The following SFMBT2 variants were observed in gnomAD, a reference collection of about 807,000 sequenced individuals.
SFMBT2 encodes scm-like with four MBT domains protein 2.
Under a neutral mutation model 110.1 loss-of-function variants are expected in SFMBT2, and 38 were observed. The ratio of observed to expected loss-of-function variants is 0.35; its 90% CI spans 0.27 to 0.45. The LOEUF (loss-of-function observed/expected upper bound fraction) is 0.45. Among genes scored for constraint, SFMBT2 ranks in the 20% least tolerant of loss-of-function variants. The pLI, the probability that SFMBT2 is intolerant of heterozygous loss-of-function variation, is 1.00. For missense variants in SFMBT2, 1,011 were observed against 1,094.9 expected, an observed-to-expected ratio of 0.92 and a Z score of 1.08; for synonymous variants, 425 against 425.4, an observed-to-expected ratio of 1.00 and a Z score of 0.01.
At chr10:7,173,572 G>C (rs1837956528) in intron 17 of SFMBT2, among the ~76,000 whole-genome samples, 1 of 152,184 alleles carries the variant, frequency 6.6e-6, no homozygotes. Context: ...CAGAGACACA[G>C]GTGTACATCT....
chr10:7,162,151 T>A lies in SFMBT2; in HGVS notation c.*1619A>T, dbSNP rs1837565848. The A allele has an allele frequency of 1.3e-5, 2 of 152,156 alleles. No homozygotes were observed. The highest frequency in any genetic ancestry group is 1.5e-5 in the Non-Finnish European group (1 of 68,042). 9.4% of individuals were successfully genotyped at this position (152,156 alleles called of 1,614,324 possible). A position where few individuals can be genotyped will look rare whatever the true frequency, so the allele number is the denominator to read the frequency against. On this transcript the variant is annotated 3_prime_UTR_variant, in exon 21 of 21. Transcript: ENST00000397167. Reference sequence around the variant, plus strand: ...GCCAACTCTCGCAGCCACAGCTTTGTCTGCACGTGACCTGGCGGATTTAAC... The same window carrying A: ...GCCAACTCTCGCAGCCACAGCTTTGACTGCACGTGACCTGGCGGATTTAAC...
At chr10:7,220,265 G>A (rs1412359725) in intron 11 of SFMBT2, 146 bp downstream of exon 11, 2 of 641,976 alleles carry the variant, frequency 3.1e-6, no homozygotes, top group Admixed American at 5.2e-5. Context: ...TAGTTTCACT[G>A]ATTTAAGAAC....
chr10:7,351,447 A>G (rs915172479), intron 4 of SFMBT2, among the ~76,000 whole-genome samples: 3 of 152,206 alleles, frequency 2.0e-5, no homozygotes, highest in Non-Finnish European at 2.9e-5. Context: ...ACGATCCTGT[A>G]AGGCAGGTCT....
intron 10 of SFMBT2, among the ~76,000 whole-genome samples, chr10:7,226,303 T>C (rs1302597362): frequency 1.3e-5 from 2 of 152,252 alleles, no homozygotes; most frequent in African/African-American, 4.8e-5. Flanking sequence ...TTGCTGCTGA[T>C]GTGCTTCTGT....
intron 4 of SFMBT2, among the ~76,000 whole-genome samples, chr10:7,355,332 A>AT (rs1279603535): frequency 1.3e-5 from 2 of 152,038 alleles, no homozygotes; most frequent in Non-Finnish European, 2.9e-5. Context: ...TATTTTATCT[A>AT]TTTTTTCAGC....
chr10:7,390,063 A>T (rs1845725293), intron 1 of SFMBT2, among the ~76,000 whole-genome samples: 1 of 152,212 alleles, frequency 6.6e-6, no homozygotes, highest in African/African-American at 2.4e-5. Context: ...TGTTGAATGC[A>T]TCTAGACCAG....
At chr10:7,406,987 G>C (rs749197522) in intron 1 of SFMBT2, among the ~76,000 whole-genome samples, 1 of 152,114 alleles carries the variant, frequency 6.6e-6, no homozygotes, top group South Asian at 2.1e-4. Context: ...AGGGTTGGCG[G>C]GGGGGGAGGG....
At position 7,392,352 on chromosome 10, in the gene SFMBT2, T is replaced by C. The variant is rs568196538; in HGVS notation, c.-51-10403A>G. Among the ~76,000 whole-genome samples the C allele has an allele frequency of 1.1e-4, 17 of 152,250 alleles. No individual in the cohort carries two copies. The East Asian group carries it at 3.3e-3, about 29-fold the overall frequency. On this transcript the variant is annotated intron_variant, in intron 1 of 20. Coordinates refer to ENST00000397167, the MANE Select transcript of SFMBT2 (RefSeq NM_001387889.1). Reference sequence around the variant, plus strand: ...CAACATGCAGAAACTCAGTCTCTACTAAAAATGCAAAAATTAGCCAGGAGT... The same window carrying C: ...CAACATGCAGAAACTCAGTCTCTACCAAAAATGCAAAAATTAGCCAGGAGT...
intron 11 of SFMBT2, among the ~76,000 whole-genome samples, chr10:7,213,431 G>A (rs1012237085): frequency 2.0e-5 from 3 of 152,234 alleles, no homozygotes; most frequent in Non-Finnish European, 2.9e-5. Flanking sequence ...AAGAGGACAG[G>A]CGGAGGTCCG....
At chr10:7,317,752 C>T (rs770713110) in intron 4 of SFMBT2, among the ~76,000 whole-genome samples, 1 of 151,346 alleles carries the variant, frequency 6.6e-6, no homozygotes, top group South Asian at 2.1e-4. Context: ...TGTGAACCTG[C>T]GTAAGGAAAA....
chr10:7,173,587 T>C (rs977752920), intron 17 of SFMBT2, among the ~76,000 whole-genome samples: 3 of 152,244 alleles, frequency 2.0e-5, no homozygotes, highest in African/African-American at 7.2e-5. Flanking sequence ...ACATCTTAAT[T>C]CAAAAATTAT....
chr10:7,283,009 C>T (rs1486986547), intron 6 of SFMBT2, among the ~76,000 whole-genome samples: 1 of 152,170 alleles, frequency 6.6e-6, no homozygotes, highest in Non-Finnish European at 1.5e-5. Context: ...GGGAGGGGCC[C>T]AGCACCTGGG....
intron 4 of SFMBT2, among the ~76,000 whole-genome samples, chr10:7,335,464 T>C (rs560150503): frequency 1.3e-5 from 2 of 152,006 alleles, no homozygotes; most frequent in South Asian, 2.1e-4. Flanking sequence ...GCTTCTGGAG[T>C]AAGCCTGCAC....
At chr10:7,252,430 A>T (rs747081014) in intron 7 of SFMBT2, among the ~76,000 whole-genome samples, 2 of 152,138 alleles carry the variant, frequency 1.3e-5, no homozygotes, top group Non-Finnish European at 2.9e-5. Flanking sequence ...ATCTAATTAC[A>T]TCTCTAGGTT....
intron 9 of SFMBT2, among the ~76,000 whole-genome samples, chr10:7,231,350 A>G (rs549185926): frequency 6.6e-6 from 1 of 152,286 alleles, no homozygotes; most frequent in African/African-American, 2.4e-5. Context: ...TGGGGTGGGG[A>G]GGAGGGAAAT....
chr10:7,249,389 G>T, intron 7 of SFMBT2: 1 of 392,274 alleles, frequency 2.5e-6, no homozygotes, highest in Non-Finnish European at 3.5e-6. Flanking sequence ...AATAGAGGAG[G>T]TTGGCTGGAC....
chr10:7,378,216 GAT>G (rs1202176799), intron 2 of SFMBT2, among the ~76,000 whole-genome samples: 10 of 7,258 alleles, frequency 1.4e-3, no homozygotes, highest in African/African-American at 2.0e-3. Context: ...GTGGATGTGT[GAT>G]GGATGGGTGT....
intron 10 of SFMBT2, among the ~76,000 whole-genome samples, chr10:7,222,858 G>A (rs1839789060): frequency 1.3e-5 from 2 of 152,044 alleles, no homozygotes; most frequent in African/African-American, 4.8e-5. Context: ...TTTTAGTAGA[G>A]TTGGGGTTTC....
At chr10:7,284,906 G>A (rs988907471) in intron 5 of SFMBT2, 4 of 152,164 alleles carry the variant, frequency 2.6e-5, no homozygotes, top group Non-Finnish European at 5.9e-5. Context: ...TTGAAAGGAT[G>A]AACTATCATC....
Sources: allele counts gnomAD v4.1 joint callset (sites outside exome capture counted in the v4.1 genomes callset), GRCh38; gene constraint gnomAD v4.1.1; transcripts MANE v1.5; gene names NCBI Gene and HGNC (gene_info 2026-07-23, HGNC 2026-07-21).